The following MYO3A variants were observed in gnomAD, a reference collection of about 807,000 sequenced individuals.
The protein encoded by MYO3A is myosin IIIA.
A neutral mutation model predicts 192.7 loss-of-function variants in MYO3A; 180 were observed. The ratio of observed to expected loss-of-function variants is 0.93; its 90% CI spans 0.83 to 1.06. The LOEUF is 1.06. Among genes scored for constraint, MYO3A ranks in the 50% least tolerant of loss-of-function variants. The pLI, the probability that MYO3A is intolerant of heterozygous loss-of-function variation, is 0.00. For missense variants in MYO3A, 1,896 were observed against 1,905.0 expected (o/e 1.00, Z 0.09); for synonymous variants, 628 against 645.3 (o/e 0.97, Z 0.41).
At chr10:26,064,822 A>T (rs1521030) in intron 10 of MYO3A, among the ~76,000 whole-genome samples, 5 of 151,926 alleles carry the variant, frequency 3.3e-5, no homozygotes, top group African/African-American at 1.2e-4. Flanking sequence ...GTTGACTGAG[A>T]TGAAGAATCA....
intron 6 of MYO3A, among the ~76,000 whole-genome samples, chr10:26,004,191 T>C (rs1384056407): frequency 6.6e-6 from 1 of 151,984 alleles, no homozygotes; most frequent in Non-Finnish European, 1.5e-5. Context: ...AGCACATCCA[T>C]GTAGGGTGAT....
In MYO3A at chr10:26,145,209, G is replaced by A. The variant is rs551388741; in HGVS notation, c.2417-237G>A. Among the ~76,000 whole-genome samples, 3 of 150,250 alleles carry A rather than the reference G, an allele frequency of 2.0e-5. No homozygotes were observed. The East Asian group carries it at 5.9e-4, about 29-fold the overall frequency. On this transcript the variant is annotated intron_variant, in intron 21 of 34. Transcript: ENST00000642920. ...AAAAAAAAAAAAAAACCCTCAAGGT[G>A]ACTCTGATGCATGACATGGCTTGAG...
At chr10:25,940,971 T>C (rs1836452458) in intron 2 of MYO3A, among the ~76,000 whole-genome samples, 1 of 152,234 alleles carries the variant, frequency 6.6e-6, no homozygotes, top group Admixed American at 6.5e-5. Context: ...TTTGGAAACT[T>C]CTCAGTCATT....
intron 14 of MYO3A, among the ~76,000 whole-genome samples, chr10:26,080,004 A>G (rs1835821195): frequency 6.6e-6 from 1 of 152,128 alleles, no homozygotes; most frequent in Non-Finnish European, 1.5e-5. Flanking sequence ...GTGTGCCTAG[A>G]TGAAGACCTT....
intron 30 of MYO3A, 46 bp from the exon 31 acceptor site, chr10:26,176,645 CAGAACTCTCT>C: frequency 6.5e-7 from 1 of 1,535,802 alleles, no homozygotes; most frequent in Non-Finnish European, 9.0e-7. Context: ...CCGGTGCCTG[CAGAACTCTCT>C]GTATTCTTTT....
intron 17 of MYO3A, among the ~76,000 whole-genome samples, chr10:26,119,650 A>C (rs1176052703): frequency 2.0e-5 from 3 of 152,214 alleles, no homozygotes; most frequent in Admixed American, 1.3e-4. Flanking sequence ...TTGTAAAAAC[A>C]GTAAAGAATG....
rs574521504 is a variant in MYO3A at position 26,119,483 on chromosome 10, T to C, written c.1777-1193T>C. Among the ~76,000 whole-genome samples, 55 of 152,318 alleles carry C rather than the reference T, an allele frequency of 3.6e-4. No homozygotes were observed. The Middle Eastern group carries it at 0.01, about 28-fold the overall frequency. ...ATTCAACAAATATATTTGTTGTTTA[T>C]GTATTTATTACATATATATGTATAT... On this transcript the variant is annotated intron_variant, in intron 17 of 34. Coordinates refer to ENST00000642920, the MANE Select transcript of MYO3A (RefSeq NM_017433.5).
At chr10:26,202,781 T>C in intron 33 of MYO3A, 183 bp from the exon 34 acceptor site, 1 of 626,606 alleles carries the variant, frequency 1.6e-6, no homozygotes, top group Non-Finnish European at 2.6e-6. Flanking sequence ...GATATGAAGG[T>C]TTTTCTTTTT....
At chr10:26,044,585 G>T (rs961000939) in intron 10 of MYO3A, among the ~76,000 whole-genome samples, 1 of 152,176 alleles carries the variant, frequency 6.6e-6, no homozygotes, top group African/African-American at 2.4e-5. Context: ...GAGTCATTTT[G>T]CCAAGGATAA....
chr10:26,150,211 A>G (rs1452755073), intron 23 of MYO3A, among the ~76,000 whole-genome samples: 1 of 152,182 alleles, frequency 6.6e-6, no homozygotes, highest in East Asian at 1.9e-4. Flanking sequence ...GATGCATTGT[A>G]CTTTTTATAT....
chr10:26,200,874 C>CAT (rs1843647638), intron 32 of MYO3A: 1 of 152,728 alleles, frequency 6.5e-6, no homozygotes, highest in South Asian at 2.1e-4. Flanking sequence ...AGAAGCAAGA[C>CAT]ATTCAAAGCA....
chr10:26,066,844 A>G, intron 10 of MYO3A, 131 bp from the exon 11 acceptor site: 1 of 668,870 alleles, frequency 1.5e-6, no homozygotes. Context: ...ATATTAGGCT[A>G]TTTTCTGGTA....
intron 7 of MYO3A, among the ~76,000 whole-genome samples, chr10:26,019,177 T>C (rs1226205212): frequency 6.6e-6 from 1 of 152,018 alleles, no homozygotes; most frequent in Non-Finnish European, 1.5e-5. Flanking sequence ...CAACCATTAA[T>C]CTATTTTCTG....
intron 20 of MYO3A, among the ~76,000 whole-genome samples, chr10:26,133,382 G>T (rs933985845): frequency 2.6e-5 from 4 of 152,288 alleles, no homozygotes; most frequent in African/African-American, 9.6e-5. Context: ...CGGGACCCTT[G>T]CAGCAGCTCT....
intron 4 of MYO3A, among the ~76,000 whole-genome samples, chr10:25,970,784 AAT>A (rs1185558205): frequency 6.6e-6 from 1 of 152,008 alleles, no homozygotes; most frequent in Admixed American, 6.6e-5. Flanking sequence ...ATATTAATGA[AAT>A]ATTATGAACA....
intron 26 of MYO3A, among the ~76,000 whole-genome samples, chr10:26,163,213 T>C (rs1841567575): frequency 6.6e-6 from 1 of 152,230 alleles, no homozygotes; most frequent in Non-Finnish European, 1.5e-5. Context: ...AGGTGTAACC[T>C]TCTCCTCCGA....
intron 2 of MYO3A, among the ~76,000 whole-genome samples, chr10:25,941,845 GAATCATATA>G (rs1255295515): frequency 6.6e-6 from 1 of 152,010 alleles, no homozygotes; most frequent in African/African-American, 2.4e-5. Context: ...CATATGAGTG[GAATCATATA>G]ATGTTTCCCT....
intron 3 of MYO3A, among the ~76,000 whole-genome samples, chr10:25,952,869 C>G (rs1837294488): frequency 6.7e-6 from 1 of 149,328 alleles, no homozygotes; most frequent in Non-Finnish European, 1.5e-5. Context: ...AATGGGGGCC[C>G]CATTTGCTTT....
chr10:26,034,343 AC>A (rs1194176854), intron 10 of MYO3A, among the ~76,000 whole-genome samples: 1 of 152,216 alleles, frequency 6.6e-6, no homozygotes, highest in Non-Finnish European at 1.5e-5. Context: ...TATTATGGAC[AC>A]TTGAATCCCA....
Sources: allele counts gnomAD v4.1 joint callset (sites outside exome capture counted in the v4.1 genomes callset), GRCh38; gene constraint gnomAD v4.1.1; transcripts MANE v1.5; gene names NCBI Gene and HGNC (gene_info 2026-07-23, HGNC 2026-07-21).